Variants in JMJD1C observed in about 807,000 individuals in gnomAD.
The protein encoded by JMJD1C is jumonji domain-containing protein 1C.
JMJD1C carries 31 observed loss-of-function variants against 245.3 expected under a neutral mutation model. The ratio of observed to expected loss-of-function variants is 0.13; its 90% CI spans 0.09 to 0.17. JMJD1C has a LOEUF of 0.17. Among genes scored for constraint, JMJD1C ranks in the 10% least tolerant of loss-of-function variants. The probability of loss-of-function intolerance (pLI) is 1.00; values close to 1 mark genes in which losing one functional copy is unlikely to be tolerated. For missense variants in JMJD1C, 2,691 were observed against 3,000.2 expected, an observed-to-expected ratio of 0.90 and a Z score of 2.41; for synonymous variants, 1,057 against 1,017.4, an observed-to-expected ratio of 1.04 and a Z score of -0.74.
chr10:63,247,217 A>G (rs1271959851), intron 3 of JMJD1C, among the ~76,000 whole-genome samples: 3 of 151,876 alleles, frequency 2.0e-5, no homozygotes, highest in Admixed American at 6.6e-5. Flanking sequence ...TAGACTGAGG[A>G]AAAAAAGGAG....
At chr10:63,512,550 T>C (rs918943954) in intron 1 of JMJD1C, among the ~76,000 whole-genome samples, 4 of 152,180 alleles carry the variant, frequency 2.6e-5, no homozygotes, top group Admixed American at 1.3e-4. Flanking sequence ...TTCTGAGAAG[T>C]TGGATGTAAT....
chr10:63,190,821 G>C (rs1441100480), intron 17 of JMJD1C, 73 bp downstream of exon 17: 2 of 1,199,354 alleles, frequency 1.7e-6, no homozygotes, highest in Non-Finnish European at 2.5e-6. Context: ...GGGTAGTTCA[G>C]AGCCAAAAAC....
chr10:63,249,149 C>T lies in JMJD1C; in HGVS notation c.447+15502G>A, dbSNP rs778966809. 5.3e-5 allele frequency among the ~76,000 whole-genome samples: 8 copies of T among 152,114 alleles called. 1 individual carries two copies. The highest frequency in any genetic ancestry group is 1.0e-4 in the Non-Finnish European group (7 of 68,018). ...TGACCAGCATGATAAAACCCTGTCT[C>T]TACTAAAAATACAAAAATTAGCTGG... is the stretch of plus-strand genomic sequence containing the variant. On this transcript the variant is annotated intron_variant, in intron 3 of 25. Coordinates refer to ENST00000399262, the MANE Select transcript of JMJD1C (RefSeq NM_032776.3).
upstream of JMJD1C, among the ~76,000 whole-genome samples, chr10:63,467,211 A>T (rs1390027442): frequency 6.6e-6 from 1 of 152,190 alleles, no homozygotes; most frequent in African/African-American, 2.4e-5. Flanking sequence ...GACCAAACAT[A>T]GAACTGTAAT....
At chr10:63,372,628 C>T (rs1408730296) in intron 2 of JMJD1C, among the ~76,000 whole-genome samples, 1 of 152,094 alleles carries the variant, frequency 6.6e-6, no homozygotes, top group African/African-American at 2.4e-5. Flanking sequence ...TTTTCACTAG[C>T]TGGGTTGCAG....
chr10:63,465,536 G>T lies in JMJD1C; in HGVS notation c.127C>A (p.Arg43=). 2 of 1,600,900 alleles carry T rather than the reference G, an allele frequency of 1.2e-6. No individual in the cohort carries two copies. Among genetic ancestry groups the T allele is most frequent in the Non-Finnish European group, 1.7e-6 (2 of 1,177,354 alleles). Residue 43 remains arginine (R), a synonymous_variant, in exon 1 of 26, where the codon CGA becomes AGA. Coordinates refer to ENST00000399262, the MANE Select transcript of JMJD1C (RefSeq NM_032776.3). ...CGGCTGTCCCTGTGTGACACGGCTCGGATGACCCCCGCTCGCCAGCTTCGC... is the reference window on the plus strand; with the variant it reads ...CGGCTGTCCCTGTGTGACACGGCTCTGATGACCCCCGCTCGCCAGCTTCGC... ...GWRSWRAGVI[R]AVSHRDSRNP...
At chr10:63,170,343 C>A (rs371376988) in intron 24 of JMJD1C, among the ~76,000 whole-genome samples, 81 of 152,294 alleles carry the variant, frequency 5.3e-4, no homozygotes, top group African/African-American at 1.9e-3. Flanking sequence ...CTGTTGAAAA[C>A]TGGGCATCTG....
At chr10:63,412,797 T>C (rs1949564697) in intron 1 of JMJD1C, among the ~76,000 whole-genome samples, 1 of 152,212 alleles carries the variant, frequency 6.6e-6, no homozygotes, top group Non-Finnish European at 1.5e-5. Context: ...TAACATTTTC[T>C]AAATTTTTAA....
intron 8 of JMJD1C, among the ~76,000 whole-genome samples, chr10:63,210,261 C>T (rs1316039138): frequency 2.0e-5 from 3 of 152,008 alleles, no homozygotes. Context: ...CTATAAAATG[C>T]CATTCAAAAT....
At chr10:63,465,351 G>T in intron 1 of JMJD1C, 144 bp downstream of exon 1, 1 of 845,716 alleles carries the variant, frequency 1.2e-6, no homozygotes, top group Non-Finnish European at 1.8e-6. Context: ...AAGGGATGCG[G>T]GCAAACGCGC....
At chr10:63,305,627 G>GGT (rs1420500276) in intron 2 of JMJD1C, among the ~76,000 whole-genome samples, 9 of 58,610 alleles carry the variant, frequency 1.5e-4, no homozygotes, top group Non-Finnish European at 2.6e-4. Context: ...CCACCATGCT[G>GGT]GCGTGTGTGT....
intron 2 of JMJD1C, among the ~76,000 whole-genome samples, chr10:63,327,577 T>A (rs1483288487): frequency 1.3e-5 from 2 of 152,182 alleles, no homozygotes; most frequent in South Asian, 2.1e-4. Flanking sequence ...GAAGATGTAG[T>A]GGAAGAATCC....
At chr10:63,250,462 C>T (rs1852905761) in intron 3 of JMJD1C, among the ~76,000 whole-genome samples, 1 of 152,130 alleles carries the variant, frequency 6.6e-6, no homozygotes, top group African/African-American at 2.4e-5. Context: ...GTGGGTATCA[C>T]TAATTAACTG....
chr10:63,301,347 TACAA>T, intron 2 of JMJD1C, among the ~76,000 whole-genome samples: 1 of 152,138 alleles, frequency 6.6e-6, no homozygotes, highest in Non-Finnish European at 1.5e-5. Flanking sequence ...ATGCACAGTG[TACAA>T]ACATTCAAAA....
chr10:63,201,704 C>T (rs933655585), intron 10 of JMJD1C, among the ~76,000 whole-genome samples: 6 of 151,710 alleles, frequency 4.0e-5, no homozygotes, highest in South Asian at 4.2e-4. Context: ...CTGAGGCGGG[C>T]GGATCACCTG....
In JMJD1C at chr10:63,465,593, G is replaced by A; in HGVS notation, c.70C>T (p.Arg24Cys). ...FLCVAVGDEA[R>C]SERWESGRGW... ...CGTCCGCTCTCCCAGCGCTCCGAAC[G>A]TGCCTCGTCGCCGACCGCCACACAC... The change falls in exon 1 of 26, where the codon CGT becomes TGT. Residue 24 changes from arginine (R) to cysteine (C), a missense_variant. This residue lies in a region of JMJD1C where 135 missense variants were observed against 115.5 expected (regional missense o/e 1.17). Coordinates refer to ENST00000399262, the MANE Select transcript of JMJD1C (RefSeq NM_032776.3). The A allele has an allele frequency of 6.2e-7, 1 of 1,609,592 alleles. No homozygotes were observed. The highest frequency in any genetic ancestry group is 8.5e-7 in the Non-Finnish European group (1 of 1,179,872).
intron 22 of JMJD1C, among the ~76,000 whole-genome samples, chr10:63,179,413 AAAAAAAAGAAAAAAG>A (rs1029649909): frequency 3.3e-5 from 5 of 151,812 alleles, no homozygotes; most frequent in Middle Eastern, 3.4e-3. Context: ...CCATCTCAAA[AAAAAAAAGAAAAAAG>A]AAAAAAAGAA....
chr10:63,215,104 G>A lies in JMJD1C; in HGVS notation c.1063C>T (p.Pro355Ser). The part of the protein sequence containing the change: ...NKHLMNKRRK[P>S]EEDEKKLNMK... ...TTTAGTTTCTTTTCATCCTCCTCAG[G>A]TTTCCTTCTTTTATTCATCAAGTGT... Residue 355 changes from proline to serine, a missense_variant, in exon 8 of 26, where the codon CCT (proline) becomes TCT (serine). Transcript: ENST00000399262. 1 of 1,579,334 alleles carries A rather than the reference G, an allele frequency of 6.3e-7. No homozygotes were observed. The highest frequency in any genetic ancestry group is 8.6e-7 in the Non-Finnish European group (1 of 1,169,258).
upstream of JMJD1C, among the ~76,000 whole-genome samples, chr10:63,467,645 A>G (rs1019882137): frequency 3.9e-5 from 6 of 152,280 alleles, no homozygotes; most frequent in Admixed American, 1.3e-4. Flanking sequence ...TTCAGTGTAC[A>G]CTGTATAATA....
Sources: gnomAD v4.1 joint callset for allele counts (sites outside exome capture counted in the v4.1 genomes callset) on GRCh38, gnomAD v4.1.1 for gene constraint, gnomAD v4.1.1 regional missense constraint, MANE v1.5 for transcripts, NCBI Gene and HGNC (gene_info 2026-07-23, HGNC 2026-07-21) for gene names.